Variants in SESN1 observed in about 807,000 individuals in gnomAD.
SESN1 encodes the protein sestrin 1.
Under a neutral mutation model 59.3 loss-of-function variants are expected in SESN1, and 30 were observed. The observed-to-expected ratio is 0.51, with a 90% CI of 0.38 to 0.69. The LOEUF is 0.69. SESN1 is among the 30% of genes least tolerant of loss of function. SESN1 has a pLI of 0.00. For synonymous variants in SESN1, 197 were observed against 219.9 expected (o/e 0.90, Z 0.92); for missense variants, 566 against 673.0 (o/e 0.84, Z 1.76).
chr6:108,988,651 T>C lies in SESN1; in HGVS notation c.1461A>G (p.Leu487=), dbSNP rs532710167. Residue 487 remains leucine (L), a synonymous_variant, in exon 9 of 10, where the codon CTA becomes CTG. Coordinates refer to ENST00000436639, the MANE Select transcript of SESN1 (RefSeq NM_014454.3). ...TATAAACTTTAAAGCTACGATCCAA[T>C]AGCTGGTTAATTTCACCATAGTCAT... ...DDYDYGEINQ[L]LDRSFKVYIK... 6.8e-6 allele frequency: 11 copies of C among 1,610,998 alleles called. No individual in the cohort carries two copies. Among genetic ancestry groups the C allele is most frequent in the South Asian group, 3.3e-5 (3 of 90,494 alleles).
intron 1 of SESN1, among the ~76,000 whole-genome samples, chr6:109,022,584 A>C (rs1295203731): frequency 6.6e-6 from 1 of 151,022 alleles, no homozygotes; most frequent in Non-Finnish European, 1.5e-5. Context: ...AATTTTTTGT[A>C]TTATTTATTT....
Position 108,988,532 on chromosome 6 carries a change from T to A in SESN1, c.1569+11A>T. ...AAGTTACAAAGTAAATAAGCCACAA[T>A]AGGCACATACCTTCTCAGAGTGCTT... is the stretch of plus-strand genomic sequence containing the variant. On this transcript the variant is annotated intron_variant, in intron 9 of 9. Transcript: ENST00000436639. 6.3e-7 allele frequency: 1 copy of A among 1,594,924 alleles called. No homozygotes were observed.
chr6:109,081,585 C>T (rs1781122576), intron 1 of SESN1, among the ~76,000 whole-genome samples: 1 of 152,140 alleles, frequency 6.6e-6, no homozygotes, highest in African/African-American at 2.4e-5. Flanking sequence ...TTTTCAAAAG[C>T]ATACAGACTG....
intron 1 of SESN1, among the ~76,000 whole-genome samples, chr6:109,030,005 C>T (rs1780156172): frequency 2.0e-5 from 3 of 152,138 alleles, no homozygotes; most frequent in African/African-American, 7.2e-5. Context: ...GGTACCCAAC[C>T]CTCAAAATGT....
chr6:109,058,674 T>C (rs1370865355), intron 1 of SESN1, among the ~76,000 whole-genome samples: 1 of 152,146 alleles, frequency 6.6e-6, no homozygotes, highest in Non-Finnish European at 1.5e-5. Context: ...GTGACCTTCT[T>C]TTGTTTTTTC....
At chr6:109,079,045 T>C (rs753334280) in intron 1 of SESN1, among the ~76,000 whole-genome samples, 1 of 152,048 alleles carries the variant, frequency 6.6e-6, no homozygotes, top group East Asian at 1.9e-4. Flanking sequence ...TAGACTGGAA[T>C]TGGATATTTC....
intron 6 of SESN1, 39 bp from the exon 7 acceptor site, chr6:108,992,938 A>G: frequency 2.2e-6 from 3 of 1,334,920 alleles, no homozygotes; most frequent in Non-Finnish European, 3.2e-6. Flanking sequence ...TAAAAATAGG[A>G]TGCTAGTTAA....
chr6:109,015,430 A>G (rs974961592), intron 1 of SESN1, among the ~76,000 whole-genome samples: 1 of 152,226 alleles, frequency 6.6e-6, no homozygotes, highest in African/African-American at 2.4e-5. Flanking sequence ...TGTGTCTGAC[A>G]AGATACCATT....
intron 1 of SESN1, among the ~76,000 whole-genome samples, chr6:109,088,890 C>T (rs2114482603): frequency 6.6e-6 from 1 of 152,188 alleles, no homozygotes; most frequent in Admixed American, 6.6e-5. Flanking sequence ...GAATAGAAAA[C>T]CTTCTTCAAA....
At chr6:109,065,620 C>T (rs1283727617) in intron 1 of SESN1, among the ~76,000 whole-genome samples, 1 of 151,752 alleles carries the variant, frequency 6.6e-6, no homozygotes, top group Admixed American at 6.6e-5. Flanking sequence ...AGATATTGGG[C>T]CATTGTAATA....
At chr6:109,041,467 T>C (rs946705513) in intron 1 of SESN1, among the ~76,000 whole-genome samples, 2 of 152,070 alleles carry the variant, frequency 1.3e-5, no homozygotes, top group African/African-American at 2.4e-5. Context: ...AAAGGAGGGA[T>C]TTTGAGGACA....
intron 1 of SESN1, among the ~76,000 whole-genome samples, chr6:109,090,872 C>T (rs541202720): frequency 9.2e-5 from 14 of 152,272 alleles, no homozygotes; most frequent in African/African-American, 3.4e-4. Flanking sequence ...TGGGCTCAAG[C>T]GATCCTCCTG....
At chr6:108,991,228 A>AGTGTGTGTGTGTGTGTGTGTGTGT (rs112709389) in intron 7 of SESN1, among the ~76,000 whole-genome samples, 3 of 148,048 alleles carry the variant, frequency 2.0e-5, no homozygotes, top group Non-Finnish European at 4.5e-5. Flanking sequence ...TCAAATTATG[A>AGTGTGTGTGTGTGTGTGTGTGTGT]GTGTGTGTGT....
chr6:108,990,592 A>G, intron 8 of SESN1, 53 bp downstream of exon 8: 2 of 1,542,004 alleles, frequency 1.3e-6, no homozygotes, highest in Non-Finnish European at 8.9e-7. Context: ...AAGCACTTGA[A>G]TAATTTGGCC....
At chr6:109,013,636 TCTC>T (rs1481444260) in intron 1 of SESN1, among the ~76,000 whole-genome samples, 1 of 152,218 alleles carries the variant, frequency 6.6e-6, no homozygotes, top group African/African-American at 2.4e-5. Flanking sequence ...GATTTGCACA[TCTC>T]CTCATTGGAA....
intron 7 of SESN1, among the ~76,000 whole-genome samples, chr6:108,991,453 T>C (rs1178604629): frequency 6.6e-6 from 1 of 152,192 alleles, no homozygotes; most frequent in Non-Finnish European, 1.5e-5. Flanking sequence ...TTGCTGCCCA[T>C]GCTAGTCTTG....
intron 1 of SESN1, among the ~76,000 whole-genome samples, chr6:109,021,039 C>T (rs1780003705): frequency 2.6e-5 from 4 of 152,114 alleles, no homozygotes. Context: ...TGCTCTGTTA[C>T]CCAGGCAGTA....
intron 1 of SESN1, among the ~76,000 whole-genome samples, chr6:109,039,086 AAAGGAGAAGGAGGGAGGAG>A (rs1780295876): frequency 6.7e-6 from 1 of 148,970 alleles, no homozygotes; most frequent in Admixed American, 6.7e-5. Context: ...GGAGGGAGGA[AAAGGAGAAGGAGGGAGGAG>A]AAGGAGAAGG....
At chr6:109,081,298 G>A (rs1231376360) in intron 1 of SESN1, among the ~76,000 whole-genome samples, 1 of 152,116 alleles carries the variant, frequency 6.6e-6, no homozygotes, top group African/African-American at 2.4e-5. Flanking sequence ...CCAAGCAGGT[G>A]TTGAACTCTG....
Sources: gnomAD v4.1 joint callset for allele counts (sites outside exome capture counted in the v4.1 genomes callset) on GRCh38, gnomAD v4.1.1 for gene constraint, MANE v1.5 for transcripts, NCBI Gene and HGNC (gene_info 2026-07-23, HGNC 2026-07-21) for gene names.